TRHDE: variants seen among roughly 807,000 people sequenced by gnomAD.
TRHDE encodes the protein thyrotropin-releasing hormone-degrading ectoenzyme.
In TRHDE, 72 loss-of-function variants were observed where a neutral mutation model predicts 125.7. The ratio of observed to expected loss-of-function variants is 0.57; its 90% CI spans 0.47 to 0.70. TRHDE has a LOEUF of 0.70. Among genes scored for constraint, TRHDE ranks in the 30% least tolerant of loss-of-function variants. The pLI, the probability that TRHDE is intolerant of heterozygous loss-of-function variation, is 0.00. For synonymous variants in TRHDE, 509 were observed against 509.1 expected, an observed-to-expected ratio of 1.00 and a Z score of 0.00; for missense variants, 1,110 against 1,327.1, an observed-to-expected ratio of 0.84 and a Z score of 2.54.
At chr12:72,166,907 C>CATGT (rs1491238877) in intron 2 of TRHDE, among the ~76,000 whole-genome samples, 1 of 139,234 alleles carries the variant, frequency 7.2e-6, no homozygotes, top group Non-Finnish European at 1.6e-5. Context: ...GGTAGATGAA[C>CATGT]GTGTGTGTGT....
chr12:72,336,624 A>G (rs1034620842), intron 2 of TRHDE, among the ~76,000 whole-genome samples: 10 of 152,200 alleles, frequency 6.6e-5, no homozygotes, highest in Admixed American at 6.5e-4. Context: ...TATTTGGCTC[A>G]TGATTCCGGA....
At chr12:72,196,896 A>G (rs1474539883) in intron 2 of TRHDE, among the ~76,000 whole-genome samples, 1 of 151,998 alleles carries the variant, frequency 6.6e-6, no homozygotes, top group African/African-American at 2.4e-5. Flanking sequence ...CCTTTTACAA[A>G]AAAGTCCTCT....
intron 3 of TRHDE, among the ~76,000 whole-genome samples, chr12:72,449,506 A>G (rs375498241): frequency 2.0e-5 from 3 of 151,892 alleles, no homozygotes; most frequent in African/African-American, 2.4e-5. Context: ...AAAACAATAG[A>G]CTTTAGTTCA....
chr12:72,391,888 T>TTGAA (rs1872623893), intron 3 of TRHDE, among the ~76,000 whole-genome samples: 1 of 152,178 alleles, frequency 6.6e-6, no homozygotes, highest in African/African-American at 2.4e-5. Flanking sequence ...ATTTTATATG[T>TTGAA]TGAAGCGCTA....
chr12:72,535,010 T>A (rs544255880), intron 6 of TRHDE, among the ~76,000 whole-genome samples: 2 of 151,466 alleles, frequency 1.3e-5, no homozygotes, highest in East Asian at 2.0e-4. Context: ...ACCACAGGAC[T>A]TTTTTTTAAA....
chr12:72,594,044 C>T (rs1375958451), intron 12 of TRHDE, among the ~76,000 whole-genome samples: 2 of 152,128 alleles, frequency 1.3e-5, no homozygotes, highest in African/African-American at 4.8e-5. Flanking sequence ...AATGGGATGG[C>T]TGGGTCAAAT....
At chr12:72,310,535 G>A (rs1027147783) in intron 2 of TRHDE, among the ~76,000 whole-genome samples, 1 of 152,068 alleles carries the variant, frequency 6.6e-6, no homozygotes, top group African/African-American at 2.4e-5. Context: ...ATAGAATAAA[G>A]CAATAAGTGT....
intron 2 of TRHDE, among the ~76,000 whole-genome samples, chr12:72,145,991 G>A (rs1259494025): frequency 6.6e-6 from 1 of 152,022 alleles, no homozygotes; most frequent in Admixed American, 6.6e-5. Context: ...AGATATTCCT[G>A]GTGCTAATCT....
intron 3 of TRHDE, among the ~76,000 whole-genome samples, chr12:72,433,539 G>T (rs1874593598): frequency 6.6e-6 from 1 of 151,800 alleles, no homozygotes; most frequent in Non-Finnish European, 1.5e-5. Context: ...TGAAGAAAAG[G>T]CAATTAGGAA....
At chr12:72,219,093 T>C (rs1877952289) in intron 2 of TRHDE, among the ~76,000 whole-genome samples, 1 of 152,114 alleles carries the variant, frequency 6.6e-6, no homozygotes, top group Non-Finnish European at 1.5e-5. Flanking sequence ...AGGTTAGTCC[T>C]CCCTAGTTTC....
chr12:72,621,390 C>T (rs1161890519), intron 14 of TRHDE, 185 bp downstream of exon 14: 25 of 584,830 alleles, frequency 4.3e-5, no homozygotes, highest in Admixed American at 1.7e-4. Flanking sequence ...AGAACAAAGA[C>T]GTTTCCTTGC....
intron 3 of TRHDE, among the ~76,000 whole-genome samples, chr12:72,381,621 C>A (rs1344801958): frequency 6.6e-6 from 1 of 152,044 alleles, no homozygotes; most frequent in Non-Finnish European, 1.5e-5. Context: ...TGGTCTCGAT[C>A]TCCTGACCTC....
intron 12 of TRHDE, among the ~76,000 whole-genome samples, chr12:72,598,623 C>T (rs545268973): frequency 6.6e-6 from 1 of 152,228 alleles, no homozygotes; most frequent in Non-Finnish European, 1.5e-5. Context: ...AAATGGAAGC[C>T]ACAAGGGTCA....
chr12:72,651,670 G>C (rs944164771), intron 15 of TRHDE, among the ~76,000 whole-genome samples: 2 of 151,820 alleles, frequency 1.3e-5, no homozygotes, highest in Admixed American at 1.3e-4. Context: ...TTCAACTTAT[G>C]AATAGCCAAG....
intron 4 of TRHDE, among the ~76,000 whole-genome samples, chr12:72,470,814 TTAA>T (rs1314574545): frequency 6.6e-6 from 1 of 151,126 alleles, no homozygotes; most frequent in Non-Finnish European, 1.5e-5. Flanking sequence ...GAATACTGAC[TTAA>T]TGATGAAGTG....
At chr12:72,136,321 C>T (rs1408550694) in intron 2 of TRHDE, among the ~76,000 whole-genome samples, 1 of 152,098 alleles carries the variant, frequency 6.6e-6, no homozygotes, top group Non-Finnish European at 1.5e-5. Flanking sequence ...ATATTGATAG[C>T]AAAGTGTAAA....
intron 18 of TRHDE, among the ~76,000 whole-genome samples, chr12:72,657,309 C>A (rs912740522): frequency 3.3e-5 from 5 of 152,138 alleles, no homozygotes; most frequent in Admixed American, 6.6e-5. Flanking sequence ...ATTCTATTAA[C>A]CCACTGTAGG....
intron 2 of TRHDE, among the ~76,000 whole-genome samples, chr12:72,349,641 C>T (rs1870493052): frequency 6.6e-6 from 1 of 151,968 alleles, no homozygotes; most frequent in Non-Finnish European, 1.5e-5. Context: ...TGAGGCCTAA[C>T]AACATCTGTT....
intron 18 of TRHDE, among the ~76,000 whole-genome samples, chr12:72,662,490 T>G (rs951373365): frequency 6.6e-5 from 10 of 152,164 alleles, no homozygotes; most frequent in Non-Finnish European, 1.3e-4. Flanking sequence ...TGCCATGTCA[T>G]TAATCATACA....
Sources: allele counts gnomAD v4.1 joint callset (sites outside exome capture counted in the v4.1 genomes callset), GRCh38; gene constraint gnomAD v4.1.1; transcripts MANE v1.5; gene names NCBI Gene and HGNC (gene_info 2026-07-23, HGNC 2026-07-21).